MIGA1: variants seen among roughly 807,000 people sequenced by gnomAD.
MIGA1 encodes the protein family with sequence similarity 73, member A.
Under a neutral mutation model 82.0 loss-of-function variants are expected in MIGA1, and 58 were observed. The ratio of observed to expected loss-of-function variants is 0.71; its 90% CI spans 0.57 to 0.88. The LOEUF is 0.88. Among genes scored for constraint, MIGA1 ranks in the 40% least tolerant of loss-of-function variants. The pLI, the probability that MIGA1 is intolerant of heterozygous loss-of-function variation, is 0.00. For missense variants in MIGA1, 751 were observed against 749.1 expected, an observed-to-expected ratio of 1.00 and a Z score of -0.03; for synonymous variants, 249 against 253.6, an observed-to-expected ratio of 0.98 and a Z score of 0.17.
chr1:77,794,530 A>G (rs191381660), intron 2 of MIGA1, among the ~76,000 whole-genome samples: 49 of 152,310 alleles, frequency 3.2e-4, no homozygotes, highest in African/African-American at 1.1e-3. Flanking sequence ...AGATGTCACA[A>G]TATCAGGGGA....
chr1:77,866,455 C>T (rs779849139), intron 14 of MIGA1, 64 bp downstream of exon 14: 17 of 1,485,936 alleles, frequency 1.1e-5, no homozygotes, highest in Middle Eastern at 1.7e-4. Flanking sequence ...AAAGCAGCTT[C>T]TGAGTCACTT....
At chr1:77,796,267 C>T (rs1013331508) in intron 2 of MIGA1, among the ~76,000 whole-genome samples, 6 of 151,420 alleles carry the variant, frequency 4.0e-5, no homozygotes, top group Admixed American at 1.3e-4. Context: ...TACAGGCGAC[C>T]GCCACCATGC....
At chr1:77,861,186 A>C (rs376387676) in intron 11 of MIGA1, 38 bp from the exon 12 acceptor site, 1 of 1,283,314 alleles carries the variant, frequency 7.8e-7, no homozygotes, top group Non-Finnish European at 1.1e-6. Flanking sequence ...GCTTGTTATA[A>C]AGTTGAGTTT....
chr1:77,784,686 A>G (rs1046622835), intron 2 of MIGA1, among the ~76,000 whole-genome samples: 2 of 152,124 alleles, frequency 1.3e-5, no homozygotes, highest in East Asian at 1.9e-4. Flanking sequence ...AGCCATCCTA[A>G]TAGGTATGAG....
rs188604808 is a variant in MIGA1 at position 77,807,506 on chromosome 1, C to T, written c.637+405C>T. Among the ~76,000 whole-genome samples, 29 of 152,210 alleles carry T rather than the reference C, an allele frequency of 1.9e-4. No individual in the cohort carries two copies. The East Asian group carries it at 5.4e-3, about 28-fold the overall frequency. ...AACTGAATTGTTCTAAGAGAAGCAA[C>T]TATAATTTTAAATGTTCTTATATCT... is the stretch of plus-strand genomic sequence containing the variant. On this transcript the variant is annotated intron_variant, in intron 5 of 15. Coordinates refer to ENST00000370791, the MANE Select transcript of MIGA1 (RefSeq NM_198549.4).
At chr1:77,827,464 A>C (rs1463567764) in intron 7 of MIGA1, among the ~76,000 whole-genome samples, 1 of 151,964 alleles carries the variant, frequency 6.6e-6, no homozygotes, top group African/African-American at 2.4e-5. Flanking sequence ...ACAGAGTGAG[A>C]CCCTGTCTCA....
chr1:77,787,054 C>T (rs923300365), intron 2 of MIGA1, among the ~76,000 whole-genome samples: 10 of 152,162 alleles, frequency 6.6e-5, no homozygotes, highest in Admixed American at 1.3e-4. Context: ...GTGAAAGGCA[C>T]GTCTCACATG....
chr1:77,806,763 A>C (rs1226067341), intron 4 of MIGA1, among the ~76,000 whole-genome samples: 1 of 152,008 alleles, frequency 6.6e-6, no homozygotes, highest in Non-Finnish European at 1.5e-5. Context: ...TCAAAATACT[A>C]CTCTTCTTGT....
chr1:77,833,564 A>G (rs990765899), intron 7 of MIGA1, among the ~76,000 whole-genome samples: 1 of 152,114 alleles, frequency 6.6e-6, no homozygotes, highest in Non-Finnish European at 1.5e-5. Flanking sequence ...TAAGGCCTTT[A>G]TGTGATTTAG....
intron 7 of MIGA1, among the ~76,000 whole-genome samples, chr1:77,839,055 T>C (rs1160872383): frequency 2.6e-5 from 4 of 152,158 alleles, no homozygotes; most frequent in African/African-American, 9.6e-5. Flanking sequence ...CTTATGCATA[T>C]AAGCATGCAT....
intron 5 of MIGA1, among the ~76,000 whole-genome samples, chr1:77,809,254 A>G (rs1224394925): frequency 6.6e-6 from 1 of 152,248 alleles, no homozygotes; most frequent in Non-Finnish European, 1.5e-5. Context: ...ACCACCTGGT[A>G]TCATCACCCA....
chr1:77,829,287 A>G lies in MIGA1; in HGVS notation c.896-14020A>G, dbSNP rs960529251. 3.3e-5 allele frequency among the ~76,000 whole-genome samples: 5 copies of G among 152,064 alleles called. No homozygotes were observed. In the East Asian group the frequency reaches 9.6e-4, roughly 29 times the overall value. On this transcript the variant is annotated intron_variant, in intron 7 of 15. Transcript: ENST00000370791. ...AATAAGTAGAATAATTAATTTTATA[A>G]AAGTAATTAGCTGGGTGTGGTGGCA...
intron 8 of MIGA1, among the ~76,000 whole-genome samples, chr1:77,851,718 T>C (rs1392937015): frequency 6.6e-6 from 1 of 152,178 alleles, no homozygotes; most frequent in Non-Finnish European, 1.5e-5. Flanking sequence ...TTAGGAGGCT[T>C]CTTTAAACGA....
rs190920264 is a variant in MIGA1 at position 77,848,304 on chromosome 1, A to G, written c.996+4897A>G. ...GATGGGGAGAAATATTCCCAAAGAG[A>G]ACAAGAAAGAGAGACAACAAAATGA... On this transcript the variant is annotated intron_variant, in intron 8 of 15. Coordinates refer to ENST00000370791, the MANE Select transcript of MIGA1 (RefSeq NM_198549.4). 699 of 1,307,918 alleles carry G rather than the reference A, an allele frequency of 5.3e-4. 3 individuals are homozygous for G. The African/African-American group carries it at 8.7e-3, about 16-fold the overall frequency. 81.0% of individuals were successfully genotyped at this position (1,307,918 alleles called of 1,614,324 possible). A position where few individuals can be genotyped will look rare whatever the true frequency, so the allele number is the denominator to read the frequency against.
At position 77,874,866 on chromosome 1, in the gene MIGA1, C is replaced by T; in HGVS notation, c.1701C>T (p.Leu567=). The T allele has an allele frequency of 2.5e-6, 4 of 1,613,546 alleles. No individual in the cohort carries two copies. Among genetic ancestry groups the T allele is most frequent in the South Asian group, 1.1e-5 (1 of 90,930 alleles). ...TCCAGAATCAAGTTCTTTTATTTCTCAAAGACATTTTTGACTTTGAGAAGG... is the reference window on the plus strand; with the variant it reads ...TCCAGAATCAAGTTCTTTTATTTCTTAAAGACATTTTTGACTTTGAGAAGG... The change falls in exon 16 of 16, where the codon CTC becomes CTT. Residue 567 remains leucine (L), a synonymous_variant. Transcript: ENST00000370791.
intron 2 of MIGA1, among the ~76,000 whole-genome samples, chr1:77,795,640 T>C (rs1418298384): frequency 6.6e-6 from 1 of 151,454 alleles, no homozygotes; most frequent in Non-Finnish European, 1.5e-5. Flanking sequence ...TTCTTTTTTT[T>C]TTTTTTTTGG....
chr1:77,864,101 C>T, intron 13 of MIGA1, 73 bp downstream of exon 13: 3 of 1,505,838 alleles, frequency 2.0e-6, no homozygotes, highest in Non-Finnish European at 2.7e-6. Flanking sequence ...TAGCTCACGC[C>T]TGTAATCCCA....
In MIGA1 at chr1:77,873,575, A is replaced by T. The variant is rs556415975; in HGVS notation, c.1680+455A>T. On this transcript the variant is annotated intron_variant, in intron 15 of 15. Transcript: ENST00000370791. Reference sequence around the variant, plus strand: ...AATGATAAAATCCAAGTTGTGAGAAATAAAATGGGGGTTTAATGTTATCTC... The same window carrying T: ...AATGATAAAATCCAAGTTGTGAGAATTAAAATGGGGGTTTAATGTTATCTC... Among the ~76,000 whole-genome samples, 13 of 152,330 alleles carry T rather than the reference A, an allele frequency of 8.5e-5. No individual in the cohort carries two copies. In the South Asian group the frequency reaches 2.7e-3, roughly 32 times the overall value.
At chr1:77,781,805 A>G (rs888642339) in intron 1 of MIGA1, among the ~76,000 whole-genome samples, 16 of 152,334 alleles carry the variant, frequency 1.1e-4, no homozygotes, top group African/African-American at 3.8e-4. Context: ...CATCAGTAGT[A>G]GTAACCCACC....
Sources: gnomAD v4.1 joint callset for allele counts (sites outside exome capture counted in the v4.1 genomes callset) on GRCh38, gnomAD v4.1.1 for gene constraint, MANE v1.5 for transcripts, NCBI Gene and HGNC (gene_info 2026-07-23, HGNC 2026-07-21) for gene names.